Variants in DPP6 observed in about 807,000 individuals in gnomAD.
The protein encoded by DPP6 is dipeptidyl peptidase like 6.
Under a neutral mutation model 122.6 loss-of-function variants are expected in DPP6, and 69 were observed. That is an observed-to-expected ratio of 0.56 (90% CI 0.46 to 0.69). The LOEUF (loss-of-function observed/expected upper bound fraction) is 0.69, where lower values mean the gene tolerates loss of function less well. Among genes scored for constraint, DPP6 ranks in the 30% least tolerant of loss-of-function variants. DPP6 has a pLI of 0.00. For synonymous variants in DPP6, 418 were observed against 433.1 expected (o/e 0.97, Z 0.43); for missense variants, 928 against 1,116.9 (o/e 0.83, Z 2.41).
At chr7:154,060,252 C>T (rs1203020484) in intron 1 of DPP6, among the ~76,000 whole-genome samples, 18 of 100,212 alleles carry the variant, frequency 1.8e-4, no homozygotes, top group East Asian at 8.8e-4. Context: ...TCGCTGGGGG[C>T]GGAGGCACCC....
chr7:154,856,113 G>GT (rs1415001700), intron 17 of DPP6, among the ~76,000 whole-genome samples: 1 of 152,144 alleles, frequency 6.6e-6, no homozygotes, highest in Non-Finnish European at 1.5e-5. Context: ...AAATTTAAAA[G>GT]TTTTTTCTAA....
chr7:154,261,835 A>G (rs768615271), intron 1 of DPP6, among the ~76,000 whole-genome samples: 12 of 152,204 alleles, frequency 7.9e-5, no homozygotes, highest in Non-Finnish European at 1.5e-4. Context: ...CAAAACTACA[A>G]TGAGATACCA....
chr7:154,325,647 T>C lies in DPP6; in HGVS notation c.244-120567T>C, dbSNP rs532837871. 9.4e-5 allele frequency among the ~76,000 whole-genome samples: 14 copies of C among 149,182 alleles called. No individual in the cohort carries two copies. In the East Asian group the frequency reaches 2.7e-3, roughly 29 times the overall value. Reference sequence around the variant, plus strand: ...GCATTTACTCTAATGATTCAGAAAGTTGGTTCTTTATTTTTGCTTTATTTT... The same window carrying C: ...GCATTTACTCTAATGATTCAGAAAGCTGGTTCTTTATTTTTGCTTTATTTT... On this transcript the variant is annotated intron_variant, in intron 1 of 25. Transcript: ENST00000377770.
intron 1 of DPP6, among the ~76,000 whole-genome samples, chr7:153,903,172 A>G (rs556762760): frequency 5.3e-5 from 8 of 151,908 alleles, no homozygotes; most frequent in Non-Finnish European, 1.0e-4. Context: ...AAGAGCAAGA[A>G]AAAAACTCAG....
chr7:154,828,485 T>A (rs1422891780), intron 16 of DPP6, among the ~76,000 whole-genome samples: 2 of 152,090 alleles, frequency 1.3e-5, no homozygotes, highest in Non-Finnish European at 2.9e-5. Context: ...ACTTAAAAAG[T>A]TTTCTAAAGA....
At chr7:154,007,508 T>G (rs552497586) in intron 1 of DPP6, among the ~76,000 whole-genome samples, 1 of 152,254 alleles carries the variant, frequency 6.6e-6, no homozygotes, top group African/African-American at 2.4e-5. Flanking sequence ...CTCTAATTGC[T>G]TCTCTTGTTT....
chr7:154,492,786 G>T (rs1253742425), intron 3 of DPP6, among the ~76,000 whole-genome samples: 1 of 152,162 alleles, frequency 6.6e-6, no homozygotes, highest in African/African-American at 2.4e-5. Context: ...ATCCTACAAG[G>T]AGGTGGTTCT....
chr7:154,646,387 A>G (rs1189166351), intron 6 of DPP6, among the ~76,000 whole-genome samples: 3 of 152,022 alleles, frequency 2.0e-5, no homozygotes, highest in Non-Finnish European at 4.4e-5. Context: ...CCACACCTCT[A>G]TTGACTTCAT....
intron 1 of DPP6, among the ~76,000 whole-genome samples, chr7:154,426,098 A>AT (rs200974823): frequency 0.023 from 3,540 of 152,258 alleles, 68 homozygotes; most frequent in Middle Eastern, 0.048. Context: ...AGATTGCTTG[A>AT]TTTATGATGC....
chr7:153,859,990 C>T, the DPP6 span, among the ~76,000 whole-genome samples: 6 of 152,106 alleles, frequency 3.9e-5, no homozygotes, highest in Non-Finnish European at 5.9e-5. Context: ...GGTGGGAACA[C>T]GGAGCCAAAC....
chr7:154,256,058 A>G (rs187815682), intron 1 of DPP6, among the ~76,000 whole-genome samples: 1 of 152,318 alleles, frequency 6.6e-6, no homozygotes, highest in East Asian at 1.9e-4. Flanking sequence ...GTAAGAATGA[A>G]GCAAAACTGT....
intron 1 of DPP6, among the ~76,000 whole-genome samples, chr7:154,338,514 GAAAGA>G (rs1809629983): frequency 1.3e-5 from 2 of 152,094 alleles, no homozygotes; most frequent in Admixed American, 6.5e-5. Context: ...AAAAGAAAAA[GAAAGA>G]AAAGAAGAAG....
the DPP6 span, among the ~76,000 whole-genome samples, chr7:153,786,762 A>C: frequency 7.1e-6 from 1 of 139,940 alleles, no homozygotes; most frequent in Admixed American, 7.1e-5. Flanking sequence ...AAAAAAAAAA[A>C]GATATACTAC....
the DPP6 span, among the ~76,000 whole-genome samples, chr7:153,791,424 C>CTTTTTTTTTTTTTTTTT: frequency 9.8e-3 from 895 of 91,532 alleles, 100 homozygotes; most frequent in Non-Finnish European, 0.012. Flanking sequence ...TCCTTCCTTT[C>CTTTTTTTTTTTTTTTTT]TTTTTTTTTT....
chr7:154,218,098 C>T lies in DPP6; in HGVS notation c.243+165035C>T, dbSNP rs192946623. Reference sequence around the variant, plus strand: ...TTCGCATTTAAAATCCATCCACCATCGTTTCCCCCATTTTATCAGCTGTGC... The same window carrying T: ...TTCGCATTTAAAATCCATCCACCATTGTTTCCCCCATTTTATCAGCTGTGC... On this transcript the variant is annotated intron_variant, in intron 1 of 25. Coordinates refer to ENST00000377770, the MANE Select transcript of DPP6 (RefSeq NM_130797.4). Among the ~76,000 whole-genome samples, 14 of 152,302 alleles carry T rather than the reference C, an allele frequency of 9.2e-5. No homozygotes were observed. In the East Asian group the frequency reaches 2.5e-3, roughly 27 times the overall value.
chr7:153,983,848 G>A (rs1196316020), intron 1 of DPP6, among the ~76,000 whole-genome samples: 2 of 151,974 alleles, frequency 1.3e-5, no homozygotes, highest in Non-Finnish European at 1.5e-5. Flanking sequence ...GCCCCACCCT[G>A]CTTCTGCTCA....
At position 154,014,910 on chromosome 7, in the gene DPP6, C is replaced by T. The variant is rs1445004336; in HGVS notation, c.51+127176C>T. On this transcript the variant is annotated intron_variant, in intron 1 of 25. Transcript: ENST00000404039. The stretch of plus-strand genomic sequence containing the variant: ...CTAATTCTTAATCTCACGGCACCTG[C>T]TTGATAATGATGGATACTTATTAAA... Among the ~76,000 whole-genome samples, 8 of 152,112 alleles carry T rather than the reference C, an allele frequency of 5.3e-5. No homozygotes were observed. In the South Asian group the frequency reaches 1.7e-3, roughly 32 times the overall value.
At chr7:154,235,055 C>T in intron 1 of DPP6, among the ~76,000 whole-genome samples, 1 of 152,318 alleles carries the variant, frequency 6.6e-6, no homozygotes, top group East Asian at 1.9e-4. Flanking sequence ...TACAATTTAC[C>T]CATTTAAAGC....
chr7:154,273,158 G>A (rs1012711500), intron 1 of DPP6, among the ~76,000 whole-genome samples: 1 of 152,314 alleles, frequency 6.6e-6, no homozygotes, highest in African/African-American at 2.4e-5. Flanking sequence ...CCCAGGAATT[G>A]ATTTGAGTGC....
Sources: allele counts gnomAD v4.1 joint callset (sites outside exome capture counted in the v4.1 genomes callset), GRCh38; gene constraint gnomAD v4.1.1; transcripts MANE v1.5; gene names NCBI Gene and HGNC (gene_info 2026-07-23, HGNC 2026-07-21).